Variants in SACS observed in about 807,000 individuals in gnomAD.
SACS encodes sacsin.
SACS carries 197 observed loss-of-function variants against 348.0 expected under a neutral mutation model. The observed-to-expected ratio is 0.57, with a 90% CI of 0.50 to 0.64. SACS has a LOEUF of 0.64. Ranked by LOEUF, SACS falls within the 30% of genes least tolerant of loss-of-function variation. The pLI is 0.00. For synonymous variants in SACS, 1,985 were observed against 1,910.6 expected (o/e 1.04, Z -1.02); for missense variants, 4,999 against 5,360.8 (o/e 0.93, Z 2.11).
chr13:23,386,470 G>T (rs1012335031), intron 2 of SACS, among the ~76,000 whole-genome samples: 1 of 152,164 alleles, frequency 6.6e-6, no homozygotes, highest in African/African-American at 2.4e-5. Context: ...TCACAGATTT[G>T]GAGAGAGTTA....
chr13:23,430,889 C>G (rs1362918531), intron 1 of SACS, among the ~76,000 whole-genome samples: 1 of 152,160 alleles, frequency 6.6e-6, no homozygotes, highest in Non-Finnish European at 1.5e-5. Context: ...AACGTGTCAC[C>G]TTGGGTTTCA....
chr13:23,399,346 C>A (rs114770631), intron 2 of SACS, among the ~76,000 whole-genome samples: 4,663 of 152,168 alleles, frequency 0.031, 252 homozygotes, highest in African/African-American at 0.11. Flanking sequence ...CAACTTCTGC[C>A]GGTCCCAATC....
At chr13:23,420,199 G>T (rs1873869930) in intron 1 of SACS, among the ~76,000 whole-genome samples, 1 of 152,168 alleles carries the variant, frequency 6.6e-6, no homozygotes, top group African/African-American at 2.4e-5. Context: ...ACTGGGGCCT[G>T]CTCTTCATCT....
At chr13:23,363,956 A>G (rs2709241) in intron 6 of SACS, among the ~76,000 whole-genome samples, 2,945 of 152,232 alleles carry the variant, frequency 0.019, 96 homozygotes, top group African/African-American at 0.066. Context: ...GAGACAAGAT[A>G]CCTTGCAGGC....
chr13:23,386,088 GC>G (rs1872282547), intron 2 of SACS, among the ~76,000 whole-genome samples: 5 of 152,150 alleles, frequency 3.3e-5, no homozygotes, highest in Admixed American at 3.3e-4. Context: ...ATGCTTAAGC[GC>G]CCTAGGATCC....
Position 23,332,334 on chromosome 13 carries a change from T to C in SACS, c.11542A>G (p.Ile3848Val). Reference sequence around the variant, plus strand: ...ACTTCAACATATTGCTTAGTTGAAATAATATCTTCAGTACCTAAGTGTTTG... The same window carrying C: ...ACTTCAACATATTGCTTAGTTGAAACAATATCTTCAGTACCTAAGTGTTTG... ...LFKHLGTEDI[I>V]STKQYVEVLS... is the part of the protein sequence containing the mutation. Residue 3848 changes from isoleucine to valine, a missense_variant, in exon 10 of 10, where the codon ATT (isoleucine) becomes GTT (valine). Ile to Val is a conservative substitution (Grantham distance 29, BLOSUM62 3). Coordinates refer to ENST00000382292, the MANE Select transcript of SACS (RefSeq NM_014363.6). 1 of 1,614,042 alleles carries C rather than the reference T, an allele frequency of 6.2e-7. No homozygotes were observed. Among genetic ancestry groups the C allele is most frequent in the Non-Finnish European group, 8.5e-7 (1 of 1,179,920 alleles).
At chr13:23,399,229 G>A (rs1186227572) in intron 2 of SACS, among the ~76,000 whole-genome samples, 1 of 152,022 alleles carries the variant, frequency 6.6e-6, no homozygotes, top group African/African-American at 2.4e-5. Flanking sequence ...ACTCCTCCCT[G>A]TCAGATACAG....
chr13:23,334,056 T>C lies in SACS; in HGVS notation c.9820A>G (p.Thr3274Ala), dbSNP rs1883666664. Residue 3274 changes from threonine to alanine, a missense_variant, in exon 10 of 10, where the codon ACT becomes GCT. Around this residue, in one of 6 missense-constraint regions of SACS, gnomAD observed 734 missense variants for 694.0 expected, o/e 1.06. Coordinates refer to ENST00000382292, the MANE Select transcript of SACS (RefSeq NM_014363.6). ...GGAAGCAATGCCCAGTCTTTTAGAG[T>C]ATCAACAACAATGTCAAATGTTGGT... The part of the protein sequence containing the change: ...TKPTFDIVVD[T>A]LKDWALLPGT... The C allele has an allele frequency of 1.2e-6, 2 of 1,613,668 alleles. No homozygotes were observed. The highest frequency in any genetic ancestry group is 1.7e-6 in the Non-Finnish European group (2 of 1,179,806).
At position 23,331,064 on chromosome 13, in the gene SACS, G is replaced by C; in HGVS notation, c.12812C>G (p.Pro4271Arg). Reference sequence around the variant, plus strand: ...AAGAGGAGGAATGCTTCTCAGGCCAGGGGTGAGGAACTCAGTGGGGCTGGT... The same window carrying C: ...AAGAGGAGGAATGCTTCTCAGGCCACGGGTGAGGAACTCAGTGGGGCTGGT... ...TPTSPTEFLT[P>R]GLRSIPPLFS... Residue 4271 changes from proline (P) to arginine (R), a missense_variant, in exon 10 of 10, where the codon CCT (proline) becomes CGT (arginine). Pro to Arg is a moderately radical substitution (Grantham distance 103). This residue lies in a region of SACS where 831 missense variants were observed against 941.8 expected (regional missense o/e 0.88). Transcript: ENST00000382292. 2.5e-6 allele frequency: 4 copies of C among 1,614,058 alleles called. No individual in the cohort carries two copies. The South Asian group carries it at 3.3e-5, about 13-fold the overall frequency.
At chr13:23,369,302 G>C (rs1002585175) in intron 4 of SACS, among the ~76,000 whole-genome samples, 1 of 152,098 alleles carries the variant, frequency 6.6e-6, no homozygotes, top group African/African-American at 2.4e-5. Context: ...GCCTAAACTA[G>C]ATATTCTTAG....
At position 23,354,789 on chromosome 13, in the gene SACS, A is replaced by G; in HGVS notation, c.1823T>C (p.Val608Ala). 6.2e-7 allele frequency: 1 copy of G among 1,614,214 alleles called. No homozygotes were observed. Among genetic ancestry groups the G allele is most frequent in the Non-Finnish European group, 8.5e-7 (1 of 1,180,030 alleles). ...GKQIAKVPGNVDAAVQLTAAS... is the reference protein window; with the variant it reads ...GKQIAKVPGNADAAVQLTAAS... ...AGCTGTGAGCTGAACAGCAGCATCC[A>G]CATTCCCTGGTACCTTGGCAATCTG... The change falls in exon 8 of 10, where the codon GTG becomes GCG. Residue 608 changes from valine (V) to alanine (A), a missense_variant. By Grantham distance (64) the Val-to-Ala change is moderately conservative. Coordinates refer to ENST00000382292, the MANE Select transcript of SACS (RefSeq NM_014363.6).
intron 3 of SACS, among the ~76,000 whole-genome samples, chr13:23,371,745 G>A (rs561695298): frequency 9.9e-5 from 15 of 152,178 alleles, no homozygotes; most frequent in Non-Finnish European, 1.5e-4. Context: ...CCATACATAC[G>A]TAAGTATACA....
chr13:23,362,581 CTTTT>C (rs34351648), intron 6 of SACS, among the ~76,000 whole-genome samples: 1 of 111,852 alleles, frequency 8.9e-6, no homozygotes, highest in Non-Finnish European at 1.9e-5. Context: ...TAATACATTC[CTTTT>C]TTTTTTTTTT....
In SACS at chr13:23,339,888, C is replaced by T. The variant is rs771247097; in HGVS notation, c.3988G>A (p.Asp1330Asn). Reference sequence around the variant, plus strand: ...TTCTGAATAACCATGGAAATATGATCTGATGTCAACTCCTCTATTGAACCA... The same window carrying T: ...TTCTGAATAACCATGGAAATATGATTTGATGTCAACTCCTCTATTGAACCA... Reference protein sequence around the residue: ...VCGSIEELTSDHISMVIQKIY... With the variant: ...VCGSIEELTSNHISMVIQKIY... Residue 1330 changes from aspartate (D) to asparagine (N), a missense_variant, in exon 10 of 10, where the codon GAT (aspartate) becomes AAT (asparagine). Asp to Asn is a conservative substitution (Grantham distance 23). This residue lies in a region of SACS where 3,156 missense variants were observed against 3,380.1 expected (regional missense o/e 0.93). Transcript: ENST00000382292. 6.2e-7 allele frequency: 1 copy of T among 1,613,936 alleles called. No homozygotes were observed.
At chr13:23,362,512 G>A (rs1289212190) in intron 6 of SACS, among the ~76,000 whole-genome samples, 2 of 151,750 alleles carry the variant, frequency 1.3e-5, no homozygotes, top group Admixed American at 6.6e-5. Flanking sequence ...AGCCTGGAGG[G>A]CTCTCAATAA....
chr13:23,334,784 A>AT lies in SACS; in HGVS notation c.9091_9092insA (p.Leu3031HisfsTer4), dbSNP rs1224483796. ...TTTAAGGTGTTGTAATTCATCCTGT[A>AT]GTAAATTGTCAAAAAATGGTCTAGT... On this transcript the variant is annotated frameshift_variant, in exon 10 of 10. Coordinates refer to ENST00000382292, the MANE Select transcript of SACS (RefSeq NM_014363.6). LOFTEE classifies it high-confidence loss of function. The AT allele has an allele frequency of 6.2e-7, 1 of 1,613,774 alleles. No homozygotes were observed. The highest frequency in any genetic ancestry group is 8.5e-7 in the Non-Finnish European group (1 of 1,179,730).
At position 23,336,352 on chromosome 13, in the gene SACS, T is replaced by A. The variant is rs1371529315; in HGVS notation, c.7524A>T (p.Arg2508Ser). The change falls in exon 10 of 10, where the codon AGA (arginine) becomes AGT (serine). Residue 2508 changes from arginine (R) to serine (S), a missense_variant. Around this residue, in one of 6 missense-constraint regions of SACS, gnomAD observed 3,156 missense variants for 3,380.1 expected, o/e 0.93. Transcript: ENST00000382292. ...TTGTAAAACAGACATTGGATGCATA[T>A]CTTTCTAAGGCTTTGTGTCGCTTTG... is the stretch of plus-strand genomic sequence containing the variant. ...AVPKRHKALE[R>S]YASNVCFTTL... is the part of the protein sequence containing the mutation. The A allele has an allele frequency of 6.2e-7, 1 of 1,614,006 alleles. No individual in the cohort carries two copies.
intron 1 of SACS, among the ~76,000 whole-genome samples, chr13:23,421,668 G>A (rs1298647774): frequency 6.6e-6 from 1 of 152,154 alleles, no homozygotes; most frequent in African/African-American, 2.4e-5. Context: ...TCCACCTGGG[G>A]CCTGATGTTG....
chr13:23,347,770 G>T lies in SACS; in HGVS notation c.2185+6015C>A, dbSNP rs184587912. 2.0e-5 allele frequency among the ~76,000 whole-genome samples: 3 copies of T among 152,322 alleles called. No individual in the cohort carries two copies. The East Asian group carries it at 5.8e-4, about 29-fold the overall frequency. ...GTTGCATGAAAGATGAGCAGAGGTA[G>T]TGAATGGAGGAGTTGGCAAGGAAGC... On this transcript the variant is annotated intron_variant, in intron 9 of 9. Coordinates refer to ENST00000382292, the MANE Select transcript of SACS (RefSeq NM_014363.6).
Sources: allele counts gnomAD v4.1 joint callset (sites outside exome capture counted in the v4.1 genomes callset), GRCh38; gene constraint gnomAD v4.1.1; regional missense constraint gnomAD v4.1.1; transcripts MANE v1.5; gene names NCBI Gene and HGNC (gene_info 2026-07-23, HGNC 2026-07-21).